Variants in NEXMIF observed in about 807,000 individuals in gnomAD.
The protein encoded by NEXMIF is XLMR protein related to neurite extension.
NEXMIF carries 8 observed loss-of-function variants against 62.1 expected under a neutral mutation model. The ratio of observed to expected loss-of-function variants is 0.13; its 90% CI spans 0.08 to 0.23. NEXMIF has a LOEUF of 0.23. Ranked by LOEUF, NEXMIF falls within the 10% of genes least tolerant of loss-of-function variation. The pLI, the probability that NEXMIF is intolerant of heterozygous loss-of-function variation, is 1.00. For synonymous variants in NEXMIF, 404 were observed against 416.6 expected (o/e 0.97, Z 0.37); for missense variants, 976 against 1,113.3 (o/e 0.88, Z 1.75).
intron 1 of NEXMIF, among the ~76,000 whole-genome samples, chrX:74,895,218 G>A (rs1388299566): frequency 9.0e-6 from 1 of 111,713 alleles, no homozygotes; most frequent in Non-Finnish European, 1.9e-5. Context: ...AATTACAACA[G>A]CCACAAATAA....
At chrX:74,831,300 G>A (rs184857574) in intron 1 of NEXMIF, among the ~76,000 whole-genome samples, 2 of 108,891 alleles carry the variant, frequency 1.8e-5, no homozygotes, top group African/African-American at 3.4e-5. Flanking sequence ...CCATTAACTC[G>A]TCATTTAGCA....
chrX:74,834,065 C>T (rs1177564180), intron 1 of NEXMIF, among the ~76,000 whole-genome samples: 7 of 100,938 alleles, frequency 6.9e-5, no homozygotes, highest in African/African-American at 1.5e-4. Context: ...ACCCAGGAGG[C>T]GGAGGTTGCG....
intron 1 of NEXMIF, among the ~76,000 whole-genome samples, chrX:74,780,678 C>T (rs2080244076): frequency 1.8e-5 from 2 of 111,664 alleles, no homozygotes; most frequent in African/African-American, 6.5e-5. Flanking sequence ...CGCCTAGCCC[C>T]ATCTTAAAAT....
At chrX:74,847,881 TCTCA>T (rs916660899) in intron 1 of NEXMIF, among the ~76,000 whole-genome samples, 3 of 111,368 alleles carry the variant, frequency 2.7e-5, no homozygotes, top group Non-Finnish European at 5.7e-5. Flanking sequence ...TAAATATTCA[TCTCA>T]CTCATCTCAT....
chrX:74,822,809 AAC>A (rs1342599723), intron 1 of NEXMIF, among the ~76,000 whole-genome samples: 2 of 112,064 alleles, frequency 1.8e-5, no homozygotes, highest in Non-Finnish European at 3.8e-5. Context: ...TGCTTTAGAA[AAC>A]AGTTTGGTAA....
rs1390310581 is a variant in NEXMIF, at chrX:74,925,430, C to CTGCTGCTGA, written c.-604_-596dup. The CTGCTGCTGA allele has an allele frequency of 5.3e-6, 1 of 189,983 alleles. No homozygotes were observed. Among genetic ancestry groups the CTGCTGCTGA allele is most frequent in the African/African-American group, 3.0e-5 (1 of 32,793 alleles). The allele number at this position is 189,983 out of a possible 1,213,427, so 15.7% of individuals were successfully genotyped here. A position where few individuals can be genotyped will look rare whatever the true frequency, so the allele number is the denominator to read the frequency against. On this transcript the variant is annotated 5_prime_UTR_variant, in exon 1 of 4. Coordinates refer to ENST00000055682, the MANE Select transcript of NEXMIF (RefSeq NM_001008537.3). ...GTGGTGGCGGCGGCGGCTGCTGCTGCTGCTGCTGATGCTACTGGTTTTCCT... is the reference window on the plus strand; with the variant it reads ...GTGGTGGCGGCGGCGGCTGCTGCTGCTGCTGCTGATGCTGCTGATGCTACTGGTTTTCCT...
chrX:74,918,787 G>C (rs2080816346), intron 1 of NEXMIF, among the ~76,000 whole-genome samples: 1 of 111,663 alleles, frequency 9.0e-6, no homozygotes, highest in East Asian at 2.8e-4. Context: ...TTTTTTTCTT[G>C]TCTGCATTAT....
At chrX:74,795,861 T>C (rs751746198) in intron 1 of NEXMIF, among the ~76,000 whole-genome samples, 1 of 107,423 alleles carries the variant, frequency 9.3e-6, no homozygotes, top group African/African-American at 3.4e-5. Context: ...AAAAGACAAA[T>C]AACCATACAT....
At chrX:74,856,143 A>G (rs1362766503) in intron 1 of NEXMIF, among the ~76,000 whole-genome samples, 2 of 112,226 alleles carry the variant, frequency 1.8e-5, no homozygotes, top group Non-Finnish European at 3.8e-5. Flanking sequence ...GTTATTATAA[A>G]TATGTTCATA....
chrX:74,879,171 C>G (rs1174047525), intron 1 of NEXMIF, among the ~76,000 whole-genome samples: 1 of 112,334 alleles, frequency 8.9e-6, no homozygotes, highest in Non-Finnish European at 1.9e-5. Flanking sequence ...GCTAAATCAT[C>G]TACGTTTGTG....
intron 1 of NEXMIF, among the ~76,000 whole-genome samples, chrX:74,757,922 T>C (rs1019477145): frequency 1.8e-5 from 2 of 111,847 alleles, no homozygotes; most frequent in Non-Finnish European, 1.9e-5. Context: ...CTTGACACAC[T>C]AGGGAAATAA....
At chrX:74,769,716 A>G in intron 1 of NEXMIF, 3 of 645,030 alleles carry the variant, frequency 4.7e-6, no homozygotes, top group Non-Finnish European at 7.9e-6. Flanking sequence ...AATCTGCACC[A>G]TTTTCCACTG....
chrX:74,753,757 C>CA (rs924148464), intron 1 of NEXMIF, among the ~76,000 whole-genome samples: 1 of 109,808 alleles, frequency 9.1e-6, no homozygotes, highest in African/African-American at 3.3e-5. Flanking sequence ...CATGTACACT[C>CA]AAAAAAATTA....
chrX:74,829,953 C>A (rs991800843), intron 1 of NEXMIF, among the ~76,000 whole-genome samples: 1 of 111,293 alleles, frequency 9.0e-6, no homozygotes, highest in Non-Finnish European at 1.9e-5. Flanking sequence ...TTATTGATCC[C>A]TTGTCAGATG....
At chrX:74,752,849 GA>G (rs1359041524) in intron 1 of NEXMIF, among the ~76,000 whole-genome samples, 1 of 111,870 alleles carries the variant, frequency 8.9e-6, no homozygotes, top group Non-Finnish European at 1.9e-5. Flanking sequence ...AAGAGTGACA[GA>G]AGAGTATAAT....
rs12853799 is a variant in NEXMIF at position 74,741,223 on chromosome X, T to C, written c.3334A>G (p.Ile1112Val). ...VPGPLDSVEKIKWDCSTLSRQ... is the reference protein window; with the variant it reads ...VPGPLDSVEKVKWDCSTLSRQ... The stretch of plus-strand genomic sequence containing the variant: ...GAAAGGGTACTGCAGTCCCACTTGA[T>C]TTTTTCCACACTGTCCAATGGTCCT... Residue 1112 changes from isoleucine to valine, a missense_variant, in exon 3 of 4, where the codon ATC becomes GTC. By Grantham distance (29) the Ile-to-Val change is conservative. This residue lies in a region of NEXMIF where 639 missense variants were observed against 694.5 expected (regional missense o/e 0.92). Coordinates refer to ENST00000055682, the MANE Select transcript of NEXMIF (RefSeq NM_001008537.3). The C allele has an allele frequency of 8.3e-6, 10 of 1,211,460 alleles. No homozygotes were observed. Among genetic ancestry groups the C allele is most frequent in the African/African-American group, 1.7e-5 (1 of 57,721 alleles).
At chrX:74,819,606 T>C (rs996612158) in intron 1 of NEXMIF, among the ~76,000 whole-genome samples, 7 of 112,141 alleles carry the variant, frequency 6.2e-5, no homozygotes, top group African/African-American at 2.3e-4. Context: ...TCACTGCTCA[T>C]TAGAGAAATG....
intron 1 of NEXMIF, among the ~76,000 whole-genome samples, chrX:74,809,585 T>C (rs774868119): frequency 8.9e-6 from 1 of 111,995 alleles, no homozygotes; most frequent in East Asian, 2.8e-4. Flanking sequence ...TTTGGGCCAA[T>C]GTTGGCCCAA....
chrX:74,900,906 G>T (rs1002728614), intron 1 of NEXMIF, among the ~76,000 whole-genome samples: 1 of 112,162 alleles, frequency 8.9e-6, no homozygotes, highest in African/African-American at 3.2e-5. Context: ...GTTACAAAAA[G>T]ACAAATACTG....
Sources: allele counts gnomAD v4.1 joint callset (sites outside exome capture counted in the v4.1 genomes callset), GRCh38; gene constraint gnomAD v4.1.1; regional missense constraint gnomAD v4.1.1; transcripts MANE v1.5; gene names NCBI Gene and HGNC (gene_info 2026-07-23, HGNC 2026-07-21).